The following FAM83A variants were observed in gnomAD, a reference collection of about 807,000 sequenced individuals.
The protein encoded by FAM83A is scaffolding CK1 anchoring protein A.
A neutral mutation model predicts 24.4 loss-of-function variants in FAM83A; 21 were observed. The ratio of observed to expected loss-of-function variants is 0.86; its 90% confidence interval spans 0.61 to 1.24. The LOEUF (loss-of-function observed/expected upper bound fraction) is 1.24. Among genes scored for constraint, FAM83A ranks in the 50% most tolerant of loss-of-function variants. The pLI, the probability that FAM83A is intolerant of heterozygous loss-of-function variation, is 0.00. For missense variants in FAM83A, 617 were observed against 579.8 expected (o/e 1.06, Z -0.66); for synonymous variants, 270 against 252.4 (o/e 1.07, Z -0.66).
Position 123,191,692 on chromosome 8 carries a change from G to A in FAM83A, c.481-111G>A, listed in dbSNP as rs530279191. The A allele has an allele frequency of 4.4e-6, 5 of 1,139,394 alleles. No homozygotes were observed. In the East Asian group the frequency reaches 9.4e-5, roughly 22 times the overall value. 70.6% of individuals were successfully genotyped at this position (1,139,394 alleles called of 1,614,324 possible). A position where few individuals can be genotyped will look rare whatever the true frequency, so the allele number is the denominator to read the frequency against. Reference sequence around the variant, plus strand: ...ACTCTACCCCATCCTCTCCCCTCTGGCCCAATGGGAACAGCTCTCCCAGGC... The same window carrying A: ...ACTCTACCCCATCCTCTCCCCTCTGACCCAATGGGAACAGCTCTCCCAGGC... On this transcript the variant is annotated intron_variant, in intron 1 of 3. Transcript: ENST00000690554.
At chr8:123,193,912 T>G in intron 2 of FAM83A, 112 bp from the exon 3 acceptor site, 1 of 1,338,454 alleles carries the variant, frequency 7.5e-7, no homozygotes, top group Non-Finnish European at 1.0e-6. Context: ...ACCCTGGGGA[T>G]TAGGTTTCAA....
intron 1 of FAM83A, among the ~76,000 whole-genome samples, chr8:123,187,289 G>GA (rs1288901653): frequency 6.6e-6 from 1 of 152,146 alleles, no homozygotes; most frequent in Non-Finnish European, 1.5e-5. Flanking sequence ...TGGTGTGGGG[G>GA]ATCCCTGAGG....
exon 1 of FAM83A, chr8:123,183,254 C>A (rs1823672473): frequency 1.2e-6 from 2 of 1,613,368 alleles, no homozygotes; most frequent in Non-Finnish European, 8.5e-7. Flanking sequence ...AAGGAAAAAT[C>A]CAGCGCCACT....
chr8:123,183,572 G>A lies in FAM83A; in HGVS notation c.480+236G>A, dbSNP rs553929682. The stretch of plus-strand genomic sequence containing the variant: ...ACTGGAACTCCCGCAATCGCTTCCT[G>A]CCTGGCCCCCTCTTCCATTTTGATC... On this transcript the variant is annotated intron_variant, in intron 1 of 3. Transcript: ENST00000690554. Among the ~76,000 whole-genome samples, 24 of 151,996 alleles carry A rather than the reference G, an allele frequency of 1.6e-4. 1 individual carries two copies. The South Asian group carries it at 5.0e-3, about 32-fold the overall frequency.
At chr8:123,182,859 G>A (rs759954523) in exon 1 of FAM83A, 2 of 1,521,372 alleles carry the variant, frequency 1.3e-6, no homozygotes, top group South Asian at 1.3e-5. Flanking sequence ...CGGGAGGCAT[G>A]AGCCGGTCAA....
At chr8:123,181,692 C>A, upstream of FAM83A, 1 of 190,310 alleles carries the variant, frequency 5.3e-6, no homozygotes, top group South Asian at 1.1e-4. Flanking sequence ...CAGAGGTTCC[C>A]ACAGGCTGGA....
exon 4 of FAM83A, chr8:123,208,201 C>G: frequency 3.0e-6 from 3 of 986,822 alleles, no homozygotes; most frequent in Non-Finnish European, 3.6e-6. Context: ...GTTGGGGAAA[C>G]TCCTCCTCTT....
At chr8:123,197,900 C>A (rs968961158) in intron 3 of FAM83A, among the ~76,000 whole-genome samples, 2 of 152,144 alleles carry the variant, frequency 1.3e-5, no homozygotes, top group Non-Finnish European at 2.9e-5. Flanking sequence ...CAGGCCAAGG[C>A]GGGTAGATTA....
At chr8:123,199,440 A>C (rs1563787020) in intron 3 of FAM83A, among the ~76,000 whole-genome samples, 1 of 152,180 alleles carries the variant, frequency 6.6e-6, no homozygotes, top group Non-Finnish European at 1.5e-5. Flanking sequence ...TGAATTAGAA[A>C]AGAGCTATCA....
intron 1 of FAM83A, among the ~76,000 whole-genome samples, chr8:123,186,160 A>G (rs1366843544): frequency 1.3e-5 from 2 of 152,198 alleles, no homozygotes; most frequent in East Asian, 1.9e-4. Context: ...GAGATCACCA[A>G]TAATTTTTAA....
intron 3 of FAM83A, among the ~76,000 whole-genome samples, chr8:123,197,513 G>A (rs1824198662): frequency 6.6e-6 from 1 of 152,178 alleles, no homozygotes; most frequent in African/African-American, 2.4e-5. Flanking sequence ...CCTTTTCATG[G>A]CTGAGCAAAT....
intron 3 of FAM83A, among the ~76,000 whole-genome samples, chr8:123,202,912 C>G (rs958612091): frequency 2.0e-5 from 3 of 151,974 alleles, no homozygotes; most frequent in Non-Finnish European, 4.4e-5. Context: ...CAAGCAGGGA[C>G]GACTTGCCCT....
intron 1 of FAM83A, among the ~76,000 whole-genome samples, chr8:123,186,427 C>T (rs10088125): frequency 0.02 from 2,275 of 113,250 alleles, 63 homozygotes; most frequent in African/African-American, 0.057. Flanking sequence ...AGCCCCCGAG[C>T]GGAGCCGGAA....
chr8:123,182,587 G>A (rs766681376), upstream of FAM83A: 4 of 658,766 alleles, frequency 6.1e-6, no homozygotes, highest in South Asian at 6.0e-5. Flanking sequence ...GTGCCAAGGA[G>A]GTGTCTGAGC....
At position 123,207,451 on chromosome 8, in the gene FAM83A, T is replaced by C. The variant is rs761833238; in HGVS notation, c.1068T>C (p.Cys356=). 4.4e-6 allele frequency: 7 copies of C among 1,598,438 alleles called. No homozygotes were observed. In the African/African-American group the frequency reaches 9.4e-5, roughly 21 times the overall value. ...GTGTGTCCGCGTCTTCAGGGCCCTGTAGCCCCGCGGCCCCACACCCGCCTC... is the reference window on the plus strand; with the variant it reads ...GTGTGTCCGCGTCTTCAGGGCCCTGCAGCCCCGCGGCCCCACACCCGCCTC... The change falls in exon 4 of 4, where the codon TGT becomes TGC. Residue 356 remains cysteine, a synonymous_variant. Coordinates refer to ENST00000690554, the Ensembl canonical transcript of FAM83A.
chr8:123,197,333 T>C (rs970193735), intron 3 of FAM83A, among the ~76,000 whole-genome samples: 2 of 152,230 alleles, frequency 1.3e-5, no homozygotes, highest in Non-Finnish European at 2.9e-5. Flanking sequence ...CCTTCCCAGC[T>C]TGCCTTGAGG....
exon 4 of FAM83A, chr8:123,208,074 G>C: frequency 2.9e-6 from 3 of 1,034,272 alleles, no homozygotes; most frequent in Non-Finnish European, 3.5e-6. Context: ...GGCACTGAGA[G>C]ATAGATGGTA....
chr8:123,197,157 G>A (rs542864802), intron 3 of FAM83A, among the ~76,000 whole-genome samples: 1 of 152,342 alleles, frequency 6.6e-6, no homozygotes, highest in African/African-American at 2.4e-5. Context: ...AAACATGGCT[G>A]CCCTTCACTC....
At chr8:123,181,283 T>C (rs16898095), upstream of FAM83A, among the ~76,000 whole-genome samples, 16,850 of 152,140 alleles carry the variant, frequency 0.11, 1,062 homozygotes, top group African/African-American at 0.18. Flanking sequence ...TACTGCTGGG[T>C]TCAGGCACAA....
Sources: gnomAD v4.1 joint callset for allele counts (sites outside exome capture counted in the v4.1 genomes callset) on GRCh38, gnomAD v4.1.1 for gene constraint, MANE v1.5 for transcripts, NCBI Gene and HGNC (gene_info 2026-07-23, HGNC 2026-07-21) for gene names.